PTHLH: variants seen among roughly 807,000 people sequenced by gnomAD.
PTHLH encodes parathyroid hormone like hormone.
PTHLH carries 5 observed loss-of-function variants against 18.6 expected under a neutral mutation model. That is an observed-to-expected ratio of 0.27 (90% CI 0.14 to 0.56). The LOEUF (loss-of-function observed/expected upper bound fraction) is 0.56. Ranked by LOEUF, PTHLH falls within the 20% of genes least tolerant of loss-of-function variation. PTHLH has a pLI of 0.92. For synonymous variants in PTHLH, 90 were observed against 94.0 expected (o/e 0.96, Z 0.25); for missense variants, 207 against 223.9 (o/e 0.92, Z 0.48).
At position 27,963,633 on chromosome 12, in the gene PTHLH, G is replaced by T; in HGVS notation, c.239C>A (p.Pro80His). The change falls in exon 5 of 6, where the codon CCT (proline) becomes CAT (histidine). Residue 80 changes from proline (P) to histidine (H), a missense_variant. Pro to His is a moderately conservative substitution (Grantham distance 77). Coordinates refer to ENST00000545234, the MANE Select transcript of PTHLH (RefSeq NM_198965.2). ...TGTGTTGGGAGAGGGCTTGGAGTTA[G>T]GGGACACCTCCGAGGTAGCTCTGAT... is the stretch of plus-strand genomic sequence containing the variant. ...AEIRATSEVS[P>H]NSKPSPNTKN... is the part of the protein sequence containing the mutation. 3 of 1,614,110 alleles carry T rather than the reference G, an allele frequency of 1.9e-6. No homozygotes were observed. The highest frequency in any genetic ancestry group is 2.5e-6 in the Non-Finnish European group (3 of 1,180,030).
At chr12:27,966,954 GTGTT>G (rs2062819943) in intron 4 of PTHLH, among the ~76,000 whole-genome samples, 1 of 152,240 alleles carries the variant, frequency 6.6e-6, no homozygotes, top group African/African-American at 2.4e-5. Flanking sequence ...GACGGACTCT[GTGTT>G]TGAGAAGAAA....
intron 3 of PTHLH, chr12:27,969,722 C>T (rs746530169): frequency 1.5e-4 from 114 of 745,746 alleles, no homozygotes; most frequent in Non-Finnish European, 2.6e-4. Context: ...TTCTCCAAAC[C>T]ACACAGCCAG....
At chr12:27,962,074 T>C in intron 5 of PTHLH, 1 of 534,246 alleles carries the variant, frequency 1.9e-6, no homozygotes, top group East Asian at 3.1e-5. Flanking sequence ...TAGCACTGTC[T>C]ACGTGTCAGA....
At chr12:27,969,788 G>A (rs757195581) in intron 3 of PTHLH, 9 of 635,284 alleles carry the variant, frequency 1.4e-5, no homozygotes, top group Non-Finnish European at 2.4e-5. Context: ...TGAAATAATA[G>A]CGAAAATAAA....
intron 3 of PTHLH, 56 bp downstream of exon 3, chr12:27,969,969 C>T (rs752552590): frequency 1.2e-5 from 6 of 519,200 alleles, no homozygotes; most frequent in South Asian, 8.4e-5. Context: ...CAGGCCCTTT[C>T]GTTCCAGAGC....
At position 27,969,416 on chromosome 12, in the gene PTHLH, C is replaced by G. The variant is rs557876486; in HGVS notation, c.79G>C (p.Val27Leu). ...TACAGGCGGCGGCTGAGACCCTCCA[C>G]CGAGCGCCCGCAGGAGGGCACCGCG... ...SYAVPSCGRS[V>L]EGLSRRLKRA... The change falls in exon 4 of 6, where the codon GTG (valine) becomes CTG (leucine). Residue 27 changes from valine (V) to leucine (L), a missense_variant. By Grantham distance (32) the Val-to-Leu change is conservative (BLOSUM62 1). Coordinates refer to ENST00000545234, the MANE Select transcript of PTHLH (RefSeq NM_198965.2). 22 of 1,587,836 alleles carry G rather than the reference C, an allele frequency of 1.4e-5. No homozygotes were observed. The South Asian group carries it at 2.5e-4, about 18-fold the overall frequency.
intron 2 of PTHLH, among the ~76,000 whole-genome samples, chr12:27,970,555 G>T (rs976860061): frequency 2.0e-5 from 3 of 151,888 alleles, no homozygotes; most frequent in African/African-American, 7.2e-5. Flanking sequence ...CGTGCCGGGG[G>T]CGTGGGCGCA....
intron 5 of PTHLH, among the ~76,000 whole-genome samples, chr12:27,960,690 C>G (rs1049237981): frequency 6.1e-5 from 9 of 147,200 alleles, no homozygotes; most frequent in Non-Finnish European, 8.9e-5. Context: ...CTCACTCCAG[C>G]CTGGGCAACA....
At chr12:27,963,255 A>C in intron 5 of PTHLH, 93 bp downstream of exon 5, 1 of 1,596,806 alleles carries the variant, frequency 6.3e-7, no homozygotes, top group Non-Finnish European at 8.5e-7. Flanking sequence ...AAAGGGAGAA[A>C]ATTCTAGGTT....
At chr12:27,971,016 A>G (rs2062867724) in intron 2 of PTHLH, among the ~76,000 whole-genome samples, 1 of 152,020 alleles carries the variant, frequency 6.6e-6, no homozygotes, top group Non-Finnish European at 1.5e-5. Flanking sequence ...GGTCCCAAAA[A>G]ACCCGCGCAC....
chr12:27,963,797 G>A (rs2062784120), intron 4 of PTHLH, 27 bp from the exon 5 acceptor site: 1 of 1,609,004 alleles, frequency 6.2e-7, no homozygotes, highest in Non-Finnish European at 8.5e-7. Context: ...TAGAGGGGAA[G>A]AAAACAGTTA....
At chr12:27,959,465 T>C (rs772938934) in intron 5 of PTHLH, among the ~76,000 whole-genome samples, 2 of 152,064 alleles carry the variant, frequency 1.3e-5, no homozygotes, top group Non-Finnish European at 2.9e-5. Context: ...TATTTTAAGA[T>C]GGGTTAGCGG....
intron 4 of PTHLH, among the ~76,000 whole-genome samples, chr12:27,965,091 A>G (rs1459016023): frequency 6.6e-6 from 1 of 152,340 alleles, no homozygotes; most frequent in African/African-American, 2.4e-5. Flanking sequence ...GAAATATGGC[A>G]ATCATAAATA....
chr12:27,970,898 G>A (rs971296157), intron 2 of PTHLH, among the ~76,000 whole-genome samples: 2 of 152,212 alleles, frequency 1.3e-5, no homozygotes, highest in African/African-American at 4.8e-5. Context: ...GGGGAGCATC[G>A]GCTAGAGAGA....
Position 27,969,769 on chromosome 12 carries a change from C to T in PTHLH, c.-22-253G>A, listed in dbSNP as rs751444748. The T allele has an allele frequency of 3.2e-4, 218 of 681,920 alleles. No individual in the cohort carries two copies. In the Middle Eastern group the frequency reaches 6.1e-3, roughly 19 times the overall value. 42.2% of individuals were successfully genotyped at this position (681,920 alleles called of 1,614,324 possible). On this transcript the variant is annotated intron_variant, in intron 3 of 5. Coordinates refer to ENST00000545234, the MANE Select transcript of PTHLH (RefSeq NM_198965.2). ...AGGGAAAAAAGAAACAAATCAGAGGCGCTTCCTCTGAAATAATAGCGAAAA... is the reference window on the plus strand; with the variant it reads ...AGGGAAAAAAGAAACAAATCAGAGGTGCTTCCTCTGAAATAATAGCGAAAA...
rs2062874904 is a variant in PTHLH, at chr12:27,971,963, A to T, written c.-302T>A. 1 of 150,772 alleles carries T rather than the reference A, an allele frequency of 6.6e-6. No individual in the cohort carries two copies. The highest frequency in any genetic ancestry group is 2.4e-5 in the African/African-American group (1 of 40,866). 9.3% of individuals were successfully genotyped at this position (150,772 alleles called of 1,614,324 possible). On this transcript the variant is annotated 5_prime_UTR_variant, in exon 2 of 6. Coordinates refer to ENST00000545234, the MANE Select transcript of PTHLH (RefSeq NM_198965.2). ...GAACACTTTCTGATTTATAAAAAGAATCCTTCCAAAAAGATGCAGGAGCCC... is the reference window on the plus strand; with the variant it reads ...GAACACTTTCTGATTTATAAAAAGATTCCTTCCAAAAAGATGCAGGAGCCC...
chr12:27,971,048 T>C (rs1363754114), intron 2 of PTHLH, among the ~76,000 whole-genome samples: 1 of 152,104 alleles, frequency 6.6e-6, no homozygotes, highest in African/African-American at 2.4e-5. Context: ...CCCTTTTGAA[T>C]TGCAGAGGGG....
intron 5 of PTHLH, 43 bp from the exon 6 acceptor site, chr12:27,958,611 G>C (rs373664908): frequency 3.7e-4 from 564 of 1,535,206 alleles, no homozygotes; most frequent in Non-Finnish European, 5.3e-5. Flanking sequence ...AAACAGGTTA[G>C]TTTTCTTTAC....
In PTHLH at chr12:27,963,567, C is replaced by T. The variant is rs552484387; in HGVS notation, c.305G>A (p.Arg102Lys). Residue 102 changes from arginine (R) to lysine (K), a missense_variant, in exon 5 of 6, where the codon AGA (arginine) becomes AAA (lysine). Physicochemically the swap from Arg to Lys is conservative, Grantham distance 26 (BLOSUM62 2). Coordinates refer to ENST00000545234, the MANE Select transcript of PTHLH (RefSeq NM_198965.2). ...PVRFGSDDEGRYLTQETNKVE... is the reference protein window; with the variant it reads ...PVRFGSDDEGKYLTQETNKVE... ...CTTGTTAGTTTCCTGAGTTAGGTAT[C>T]TGCCCTCATCATCAGACCCAAATCG... The T allele has an allele frequency of 8.1e-6, 13 of 1,614,182 alleles. No homozygotes were observed. The South Asian group carries it at 1.2e-4, about 15-fold the overall frequency.
Sources: gnomAD v4.1 joint callset for allele counts (sites outside exome capture counted in the v4.1 genomes callset) on GRCh38, gnomAD v4.1.1 for gene constraint, MANE v1.5 for transcripts, NCBI Gene and HGNC (gene_info 2026-07-23, HGNC 2026-07-21) for gene names.